The following TTC23L variants were observed in gnomAD, a reference collection of about 807,000 sequenced individuals.
The protein encoded by TTC23L is tetratricopeptide repeat protein 23-like.
TTC23L carries 42 observed loss-of-function variants against 48.1 expected under a neutral mutation model. That is an observed-to-expected ratio of 0.87 (90% CI 0.68 to 1.13). TTC23L has a LOEUF of 1.13. TTC23L is among the 50% of genes most tolerant of loss of function. TTC23L has a pLI of 0.00. For synonymous variants in TTC23L, 159 were observed against 157.2 expected (o/e 1.01, Z -0.09); for missense variants, 391 against 421.0 (o/e 0.93, Z 0.62).
intron 9 of TTC23L, among the ~76,000 whole-genome samples, chr5:34,890,598 T>C (rs1014285302): frequency 6.6e-6 from 1 of 152,166 alleles, no homozygotes; most frequent in African/African-American, 2.4e-5. Flanking sequence ...CGTATGAGGA[T>C]ACCTGTTCAG....
chr5:34,922,476 A>G, the TTC23L span: 1 of 1,028,536 alleles, frequency 9.7e-7, no homozygotes, highest in Non-Finnish European at 1.5e-6. Context: ...TTTATGGTGA[A>G]TAGGTGGTAA....
intron 7 of TTC23L, chr5:34,867,596 TG>T (rs999330635): frequency 2.5e-5 from 4 of 163,194 alleles, no homozygotes; most frequent in African/African-American, 9.6e-5. Flanking sequence ...TAGGAAGGAA[TG>T]GTGAGTCTAT....
At chr5:34,888,181 G>A (rs892735695) in intron 9 of TTC23L, among the ~76,000 whole-genome samples, 2 of 152,116 alleles carry the variant, frequency 1.3e-5, no homozygotes, top group Non-Finnish European at 2.9e-5. Context: ...GAATCAGGAA[G>A]TGGGCCCTCA....
intron 2 of TTC23L, among the ~76,000 whole-genome samples, chr5:34,844,837 C>G (rs1580414908): frequency 6.6e-6 from 1 of 152,288 alleles, no homozygotes; most frequent in Middle Eastern, 3.4e-3. Flanking sequence ...TGAATCTGCA[C>G]TTGATGTAGC....
the TTC23L span, chr5:34,922,789 A>T: frequency 2.5e-6 from 4 of 1,601,262 alleles, no homozygotes; most frequent in Middle Eastern, 1.7e-4. Flanking sequence ...CATTCAGTGT[A>T]TGAGGTCTAA....
chr5:34,912,659 A>G, the TTC23L span, among the ~76,000 whole-genome samples: 60 of 152,278 alleles, frequency 3.9e-4, no homozygotes, highest in Admixed American at 9.2e-4. Context: ...CAATTTCACC[A>G]TTCTTAAAAA....
chr5:34,882,638 C>CACACAA (rs1762297483), intron 9 of TTC23L, among the ~76,000 whole-genome samples: 1 of 151,798 alleles, frequency 6.6e-6, no homozygotes, highest in Non-Finnish European at 1.5e-5. Context: ...CACACACACA[C>CACACAA]ACACACACAC....
chr5:34,887,509 A>G (rs1762612725), intron 9 of TTC23L, among the ~76,000 whole-genome samples: 1 of 152,204 alleles, frequency 6.6e-6, no homozygotes, highest in Non-Finnish European at 1.5e-5. Flanking sequence ...CTAGAATTGC[A>G]ACACAGTAGG....
chr5:34,880,937 C>A (rs1188883928), intron 9 of TTC23L, among the ~76,000 whole-genome samples: 2 of 152,154 alleles, frequency 1.3e-5, no homozygotes, highest in Non-Finnish European at 2.9e-5. Context: ...CTGTGCCCCA[C>A]CAGCATTGCC....
intron 4 of TTC23L, among the ~76,000 whole-genome samples, chr5:34,852,983 T>G (rs1320541420): frequency 2.0e-5 from 3 of 152,074 alleles, no homozygotes; most frequent in Non-Finnish European, 4.4e-5. Context: ...CAGAACAGCA[T>G]GGGAAAACCC....
At chr5:34,880,710 C>T in intron 9 of TTC23L, 1 of 353,946 alleles carries the variant, frequency 2.8e-6, no homozygotes, top group African/African-American at 2.3e-5. Context: ...GCGATCTCGG[C>T]TCACTGCAAC....
At chr5:34,910,954 T>C in the TTC23L span, among the ~76,000 whole-genome samples, 2 of 152,226 alleles carry the variant, frequency 1.3e-5, no homozygotes, top group East Asian at 1.9e-4. Context: ...CTGCCCTCCC[T>C]TGGGAAGCCA....
chr5:34,877,616 G>A (rs1761946369), intron 8 of TTC23L, among the ~76,000 whole-genome samples: 1 of 151,956 alleles, frequency 6.6e-6, no homozygotes, highest in East Asian at 1.9e-4. Context: ...TAGAGACGGG[G>A]TTTCACCATG....
At chr5:34,895,451 A>C (rs1763156882) in intron 9 of TTC23L, among the ~76,000 whole-genome samples, 1 of 152,218 alleles carries the variant, frequency 6.6e-6, no homozygotes, top group African/African-American at 2.4e-5. Context: ...GGATGTATGA[A>C]AGCATGAAGT....
chr5:34,880,110 G>A, intron 8 of TTC23L, 71 bp from the exon 9 acceptor site: 2 of 1,530,570 alleles, frequency 1.3e-6, no homozygotes, highest in South Asian at 1.3e-5. Flanking sequence ...AATGTCAATT[G>A]AGCCAAAGCT....
At chr5:34,921,375 G>A in the TTC23L span, 1 of 152,082 alleles carries the variant, frequency 6.6e-6, no homozygotes, top group Non-Finnish European at 1.5e-5. Flanking sequence ...CACCAGAAAT[G>A]ATAGTATAAA....
intron 8 of TTC23L, among the ~76,000 whole-genome samples, chr5:34,871,083 G>A (rs1761422699): frequency 6.6e-6 from 1 of 152,162 alleles, no homozygotes; most frequent in Non-Finnish European, 1.5e-5. Context: ...ATTCAGCAGA[G>A]TACTAGAAGT....
chr5:34,900,953 G>A (rs890132612), downstream of TTC23L, among the ~76,000 whole-genome samples: 11 of 152,190 alleles, frequency 7.2e-5, no homozygotes, highest in African/African-American at 1.2e-4. Context: ...AGTACAGTAC[G>A]TACTCCAGTT....
intron 7 of TTC23L, chr5:34,867,280 G>GT (rs2150408285): frequency 1.3e-5 from 8 of 606,276 alleles, no homozygotes; most frequent in South Asian, 1.2e-4. Flanking sequence ...CGAATGTGCT[G>GT]TGTCATTGGC....
Sources: allele counts gnomAD v4.1 joint callset (sites outside exome capture counted in the v4.1 genomes callset), GRCh38; gene constraint gnomAD v4.1.1; transcripts MANE v1.5; gene names NCBI Gene and HGNC (gene_info 2026-07-23, HGNC 2026-07-21).